The following METTL1 variants were observed in gnomAD, a reference collection of about 807,000 sequenced individuals.
METTL1 encodes the protein tRNA (guanine-N(7)-)-methyltransferase.
Under a neutral mutation model 27.7 loss-of-function variants are expected in METTL1, and 14 were observed. That is an observed-to-expected ratio of 0.51 (90% CI 0.33 to 0.79). The LOEUF (loss-of-function observed/expected upper bound fraction) is 0.79. Among genes scored for constraint, METTL1 ranks in the 30% least tolerant of loss-of-function variants. The pLI, the probability that METTL1 is intolerant of heterozygous loss-of-function variation, is 0.02. For synonymous variants in METTL1, 138 were observed against 137.0 expected (o/e 1.01, Z -0.05); for missense variants, 333 against 359.6 (o/e 0.93, Z 0.60).
At position 57,772,020 on chromosome 12, in the gene METTL1, G is replaced by A. The variant is rs1955440143; in HGVS notation, c.64C>T (p.Arg22Trp). The A allele has an allele frequency of 6.4e-7, 1 of 1,552,470 alleles. No individual in the cohort carries two copies. Among genetic ancestry groups the A allele is most frequent in the East Asian group, 2.5e-5 (1 of 40,418 alleles). The change falls in exon 1 of 6, where the codon CGG becomes TGG. Residue 22 changes from arginine (R) to tryptophan (W), a missense_variant. Physicochemically the swap from Arg to Trp is moderately radical, Grantham distance 101 (BLOSUM62 -3). Transcript: ENST00000324871. This position sits in a 1 kb window ranked among gnomAD's most constrained non-coding sequence, Gnocchi z 4.1. The stretch of plus-strand genomic sequence containing the variant: ...ATGGGGTTGGAGTGAGCACGTTGCC[G>A]GTAGTAGCGCTTCTGGGGCGGTGGG... The part of the protein sequence containing the change: ...EAPPPQKRYY[R>W]QRAHSNPMAD...
At position 57,772,025 on chromosome 12, in the gene METTL1, T is replaced by C; in HGVS notation, c.59A>G (p.Tyr20Cys). The part of the protein sequence containing the change: ...GAEAPPPQKR[Y>C]YRQRAHSNPM... ...GTTGGAGTGAGCACGTTGCCGGTAG[T>C]AGCGCTTCTGGGGCGGTGGGGCCTC... The change falls in exon 1 of 6, where the codon TAC becomes TGC. Residue 20 changes from tyrosine to cysteine, a missense_variant. Physicochemically the swap from Tyr to Cys is radical, Grantham distance 194. Transcript: ENST00000324871. This position sits in a 1 kb window ranked among gnomAD's most constrained non-coding sequence, Gnocchi z 4.1. The C allele has an allele frequency of 6.4e-7, 1 of 1,553,240 alleles. No individual in the cohort carries two copies. The highest frequency in any genetic ancestry group is 8.6e-7 in the Non-Finnish European group (1 of 1,158,466).
At chr12:57,770,308 G>A (rs1477657919) in intron 2 of METTL1, among the ~76,000 whole-genome samples, 1 of 152,232 alleles carries the variant, frequency 6.6e-6, no homozygotes, top group Non-Finnish European at 1.5e-5. Context: ...TTAAGAAGGG[G>A]CAGAACTGGA....
intron 1 of METTL1, 90 bp downstream of exon 1, chr12:57,771,884 C>T (rs1194169866): frequency 2.1e-6 from 3 of 1,410,996 alleles, no homozygotes; most frequent in African/African-American, 1.5e-5. Context: ...CCGGGTCTAC[C>T]CCAAATCCTC....
At position 57,769,932 on chromosome 12, in the gene METTL1, T is replaced by C. The variant is rs1310265169; in HGVS notation, c.299A>G (p.Asp100Gly). ...GATCTCCAGACCCAGAATAAGTGTG[T>C]CTGGGAACAGCGGTGACAGTTCCAC... ...LLVELSPLFP[D>G]TLILGLEIRV... The change falls in exon 3 of 6, where the codon GAC becomes GGC. Residue 100 changes from aspartate to glycine, a missense_variant. Transcript: ENST00000324871. The C allele has an allele frequency of 6.2e-7, 1 of 1,611,620 alleles. No homozygotes were observed. Among genetic ancestry groups the C allele is most frequent in the South Asian group, 1.1e-5 (1 of 90,560 alleles).
chr12:57,772,076 G>C lies in METTL1; in HGVS notation c.8C>G (p.Ala3Gly). ...TGCTCCGGCCACGTTCCGAGTCTCG[G>C]CTGCCATGATCCCAGTCCGGGGTTT... Reference protein sequence around the residue: MAAETRNVAGAEA... With the variant: MAGETRNVAGAEA... Residue 3 changes from alanine (A) to glycine (G), a missense_variant, in exon 1 of 6, where the codon GCC becomes GGC. Physicochemically the swap from Ala to Gly is moderately conservative, Grantham distance 60. Coordinates refer to ENST00000324871, the MANE Select transcript of METTL1 (RefSeq NM_005371.6). This position sits in a 1 kb window ranked among gnomAD's most constrained non-coding sequence, Gnocchi z 4.1. 6.4e-7 allele frequency: 1 copy of C among 1,564,152 alleles called. No homozygotes were observed. The highest frequency in any genetic ancestry group is 1.4e-5 in the African/African-American group (1 of 70,850).
At position 57,768,755 on chromosome 12, in the gene METTL1, T is replaced by C. The variant is rs886302605; in HGVS notation, c.*241A>G. ...CCCACAGCCTTCCAAAGATCCCCTATGGTCCAAAGTCCTTTGACCATCTCA... is the reference window on the plus strand; with the variant it reads ...CCCACAGCCTTCCAAAGATCCCCTACGGTCCAAAGTCCTTTGACCATCTCA... On this transcript the variant is annotated 3_prime_UTR_variant, in exon 6 of 6. Coordinates refer to ENST00000324871, the MANE Select transcript of METTL1 (RefSeq NM_005371.6). 6.7e-6 allele frequency: 3 copies of C among 450,380 alleles called. No homozygotes were observed. The highest frequency in any genetic ancestry group is 3.8e-5 in the African/African-American group (2 of 51,962). The allele number at this position is 450,380 out of a possible 1,614,324, so 27.9% of individuals were successfully genotyped here.
At chr12:57,771,500 C>G (rs180883428) in intron 1 of METTL1, 6 of 1,520,158 alleles carry the variant, frequency 3.9e-6, no homozygotes, top group Non-Finnish European at 5.3e-6. Flanking sequence ...CCACTTCTGG[C>G]GGTTGATGTG....
chr12:57,768,843 T>G lies in METTL1; in HGVS notation c.*153A>C. On this transcript the variant is annotated 3_prime_UTR_variant, in exon 6 of 6. Transcript: ENST00000324871. ...AGGTGAGAGGAGCCAGGGGTAGTCA[T>G]GAACACCAGTGGGTTCTGCCCTGGG... 1.2e-6 allele frequency: 1 copy of G among 849,488 alleles called. No homozygotes were observed. The highest frequency in any genetic ancestry group is 1.7e-6 in the Non-Finnish European group (1 of 576,076). 52.6% of individuals were successfully genotyped at this position (849,488 alleles called of 1,614,324 possible). A position where few individuals can be genotyped will look rare whatever the true frequency, so the allele number is the denominator to read the frequency against.
chr12:57,771,665 AT>A (rs1955434128), intron 1 of METTL1: 4 of 1,517,746 alleles, frequency 2.6e-6, no homozygotes, highest in Non-Finnish European at 3.5e-6. Flanking sequence ...TTGCCTTTTT[AT>A]TAAATCCAAC....
chr12:57,770,117 G>C (rs1955412234), intron 2 of METTL1, among the ~76,000 whole-genome samples, 161 bp from the exon 3 acceptor site: 2 of 152,184 alleles, frequency 1.3e-5, no homozygotes, highest in Non-Finnish European at 2.9e-5. Flanking sequence ...AAGAGGCGGG[G>C]GGAGAAATGA....
chr12:57,771,823 T>C lies in METTL1; in HGVS notation c.110+151A>G, dbSNP rs914781075. The C allele has an allele frequency of 8.8e-6, 10 of 1,136,022 alleles. No homozygotes were observed. In the East Asian group the frequency reaches 1.4e-4, roughly 16 times the overall value. The allele number at this position is 1,136,022 out of a possible 1,614,324, so 70.4% of individuals were successfully genotyped here. ...CTCAACCCGCCAACTCCTCTCTCGG[T>C]CGAATCTCCCGGTCCCACCCCCAAA... On this transcript the variant is annotated intron_variant, in intron 1 of 5. Coordinates refer to ENST00000324871, the MANE Select transcript of METTL1 (RefSeq NM_005371.6).
At position 57,768,857 on chromosome 12, in the gene METTL1, T is replaced by C. The variant is rs1240405329; in HGVS notation, c.*139A>G. ...AGGGGTAGTCATGAACACCAGTGGG[T>C]TCTGCCCTGGGCAGCTCCCCACCTT... On this transcript the variant is annotated 3_prime_UTR_variant, in exon 6 of 6. Transcript: ENST00000324871. 1 of 1,048,218 alleles carries C rather than the reference T, an allele frequency of 9.5e-7. No individual in the cohort carries two copies. Among genetic ancestry groups the C allele is most frequent in the African/African-American group, 1.6e-5 (1 of 63,016 alleles). The allele number at this position is 1,048,218 out of a possible 1,614,324, so 64.9% of individuals were successfully genotyped here.
intron 1 of METTL1, 54 bp downstream of exon 1, chr12:57,771,919 TC>T: frequency 6.8e-7 from 1 of 1,474,196 alleles, no homozygotes; most frequent in South Asian, 1.4e-5. Flanking sequence ...ACAACTGCTC[TC>T]CCGGCTGCTT....
Position 57,769,627 on chromosome 12 carries a change from G to A in METTL1, c.511C>T (p.His171Tyr). The change falls in exon 4 of 6, where the codon CAC becomes TAC. Residue 171 changes from histidine to tyrosine, a missense_variant. By Grantham distance (83) the His-to-Tyr change is moderately conservative. Coordinates refer to ENST00000324871, the MANE Select transcript of METTL1 (RefSeq NM_005371.6). ...GTGGGACTGATGATTCGCCACTTGT[G>A]CTTTGTCCGCTTGAAATGTGGGTCG... ...FPDPHFKRTKHKWRIISPTLL... is the reference protein window; with the variant it reads ...FPDPHFKRTKYKWRIISPTLL... 1 of 1,556,552 alleles carries A rather than the reference G, an allele frequency of 6.4e-7. No individual in the cohort carries two copies.
intron 2 of METTL1, 101 bp downstream of exon 2, chr12:57,770,993 G>A: frequency 7.7e-7 from 1 of 1,304,786 alleles, no homozygotes; most frequent in East Asian, 2.4e-5. Flanking sequence ...CCAGTGTCTG[G>A]ACGAAAGGGG....
At chr12:57,769,187 C>G in intron 5 of METTL1, 36 bp from the exon 6 acceptor site, 1 of 1,603,184 alleles carries the variant, frequency 6.2e-7, no homozygotes, top group Non-Finnish European at 8.5e-7. Context: ...TCCTTGCCCA[C>G]TGTTCAGACT....
Position 57,769,520 on chromosome 12 carries a change from CCT to C in METTL1, c.573+43_573+44del, listed in dbSNP as rs1491189967. On this transcript the variant is annotated intron_variant, in intron 4 of 5. Coordinates refer to ENST00000324871, the MANE Select transcript of METTL1 (RefSeq NM_005371.6). Reference sequence around the variant, plus strand: ...CCCACTGAATTCTTAGTGAAGGGCCCCTGAGTAGGCCACTCACCCCATCATCC... The same window carrying C: ...CCCACTGAATTCTTAGTGAAGGGCCCGAGTAGGCCACTCACCCCATCATCC... 1.4e-5 allele frequency: 22 copies of C among 1,556,758 alleles called. 1 individual carries two copies. The highest frequency in any genetic ancestry group is 1.7e-5 in the Non-Finnish European group (20 of 1,145,666).
At position 57,768,671 on chromosome 12, in the gene METTL1, C is replaced by G. The variant is rs1182201833; in HGVS notation, c.*325G>C. ...CAAGCAGTTTAGATGGACTACATTC[C>G]TCATTCCAGCTGAGGAGAGATCTCA... is the stretch of plus-strand genomic sequence containing the variant. On this transcript the variant is annotated 3_prime_UTR_variant, in exon 6 of 6. Transcript: ENST00000324871. 6.8e-6 allele frequency: 2 copies of G among 295,608 alleles called. No individual in the cohort carries two copies. The highest frequency in any genetic ancestry group is 1.3e-5 in the Non-Finnish European group (2 of 157,404). The allele number at this position is 295,608 out of a possible 1,614,324, so 18.3% of individuals were successfully genotyped here. A position where few individuals can be genotyped will look rare whatever the true frequency, so the allele number is the denominator to read the frequency against.
At chr12:57,769,258 A>G in intron 5 of METTL1, 45 bp downstream of exon 5, 2 of 1,612,448 alleles carry the variant, frequency 1.2e-6, no homozygotes, top group South Asian at 2.2e-5. Flanking sequence ...CAAATACAGA[A>G]CCACTCTGGA....
Sources: allele counts gnomAD v4.1 joint callset (sites outside exome capture counted in the v4.1 genomes callset), GRCh38; gene constraint gnomAD v4.1.1; non-coding constraint Gnocchi (gnomAD v3.1); transcripts MANE v1.5; gene names NCBI Gene and HGNC (gene_info 2026-07-23, HGNC 2026-07-21).